Variants in SLC25A37 observed in about 807,000 individuals in gnomAD.
SLC25A37 encodes the protein solute carrier family 25 member 37, also known as mitoferrin-1.
Under a neutral mutation model 31.0 loss-of-function variants are expected in SLC25A37, and 17 were observed. The ratio of observed to expected loss-of-function variants is 0.55; its 90% CI spans 0.38 to 0.82. The LOEUF (loss-of-function observed/expected upper bound fraction) is 0.82. Ranked by LOEUF, SLC25A37 falls within the 40% of genes least tolerant of loss-of-function variation. The probability of loss-of-function intolerance (pLI) is 0.00; values close to 1 mark genes in which losing one functional copy is unlikely to be tolerated. For missense variants in SLC25A37, 404 were observed against 465.8 expected (o/e 0.87, Z 1.22); for synonymous variants, 222 against 193.0 (o/e 1.15, Z -1.24).
intron 1 of SLC25A37, among the ~76,000 whole-genome samples, chr8:23,535,804 G>C (rs1390917090): frequency 6.6e-6 from 1 of 152,124 alleles, no homozygotes; most frequent in Non-Finnish European, 1.5e-5. Context: ...AGTGAAAGGG[G>C]TTTTCCCCAT....
chr8:23,543,760 C>T (rs950020798), intron 1 of SLC25A37, among the ~76,000 whole-genome samples: 2 of 151,700 alleles, frequency 1.3e-5, no homozygotes, highest in African/African-American at 4.8e-5. Flanking sequence ...GTCTCGATCT[C>T]CTGACCTTGT....
chr8:23,536,151 G>C (rs1801763585), intron 1 of SLC25A37, among the ~76,000 whole-genome samples: 1 of 152,110 alleles, frequency 6.6e-6, no homozygotes, highest in Non-Finnish European at 1.5e-5. Flanking sequence ...TAGGCTTCCT[G>C]CTCCATTGAG....
In SLC25A37 at chr8:23,537,012, A is replaced by G. The variant is rs149581310; in HGVS notation, c.210+7800A>G. Among the ~76,000 whole-genome samples, 336 of 152,276 alleles carry G rather than the reference A, an allele frequency of 2.2e-3. 5 individuals are homozygous for G. The highest frequency in any genetic ancestry group is 7.9e-3 in the African/African-American group (328 of 41,562). On this transcript the variant is annotated intron_variant, in intron 1 of 3. Coordinates refer to ENST00000519973, the MANE Select transcript of SLC25A37 (RefSeq NM_016612.4). The stretch of plus-strand genomic sequence containing the variant: ...GGAGTTGGAGACCAGCCTGGGCAAC[A>G]TAGCGAGACCCCATAGGTACAAAAA...
chr8:23,559,362 T>TGCGTGTGTGTGC (rs1297766410), intron 1 of SLC25A37, among the ~76,000 whole-genome samples: 42 of 151,388 alleles, frequency 2.8e-4, no homozygotes, highest in Non-Finnish European at 5.9e-4. Context: ...TGCGTGTGTG[T>TGCGTGTGTGTGC]GCGCGCGCGC....
At position 23,572,309 on chromosome 8, in the gene SLC25A37, T is replaced by C. The variant is rs191463980; in HGVS notation, c.*454T>C. On this transcript the variant is annotated 3_prime_UTR_variant, in exon 4 of 4. Coordinates refer to ENST00000519973, the MANE Select transcript of SLC25A37 (RefSeq NM_016612.4). ...ATAGATGGATAATGTTTATCCTTTA[T>C]TTTTCTATGTAGAAGTTTTTGAATT... 108 of 155,530 alleles carry C rather than the reference T, an allele frequency of 6.9e-4. No homozygotes were observed. Among genetic ancestry groups the C allele is most frequent in the Admixed American group, 1.5e-3 (24 of 15,864 alleles). The allele number at this position is 155,530 out of a possible 1,614,324, so 9.6% of individuals were successfully genotyped here.
rs1271495300 is a variant in SLC25A37, at chr8:23,571,484, T to A, written c.646T>A (p.Phe216Ile). The A allele has an allele frequency of 6.2e-7, 1 of 1,613,948 alleles. No individual in the cohort carries two copies. Among genetic ancestry groups the A allele is most frequent in the Admixed American group, 1.7e-5 (1 of 60,026 alleles). ...TMNIPFQSIH[F>I]ITYEFLQEQV... ...GAACATCCCCTTCCAGTCCATCCAC[T>A]TCATCACCTATGAGTTCCTGCAGGA... Residue 216 changes from phenylalanine to isoleucine, a missense_variant, in exon 4 of 4, where the codon TTC becomes ATC. By Grantham distance (21) the Phe-to-Ile change is conservative. Around this residue, in one of 3 missense-constraint regions of SLC25A37, gnomAD observed 243 missense variants for 284.4 expected, o/e 0.85. Coordinates refer to ENST00000519973, the MANE Select transcript of SLC25A37 (RefSeq NM_016612.4).
At position 23,528,989 on chromosome 8, in the gene SLC25A37, C is replaced by G. The variant is rs750111109; in HGVS notation, c.-14C>G. ...CCACCTCCTGCAGCCTCCTGCGCCC[C>G]GCCGAGCTGGCGGATGGAGCTGCGC... is the stretch of plus-strand genomic sequence containing the variant. On this transcript the variant is annotated 5_prime_UTR_variant, in exon 1 of 4. Coordinates refer to ENST00000519973, the MANE Select transcript of SLC25A37 (RefSeq NM_016612.4). 1 of 1,484,712 alleles carries G rather than the reference C, an allele frequency of 6.7e-7. No individual in the cohort carries two copies. The highest frequency in any genetic ancestry group is 1.4e-5 in the African/African-American group (1 of 69,558). The allele number at this position is 1,484,712 out of a possible 1,614,324, so 92.0% of individuals were successfully genotyped here.
chr8:23,543,699 T>A lies in SLC25A37; in HGVS notation c.210+14487T>A, dbSNP rs190493098. Reference sequence around the variant, plus strand: ...ACAGGCGCCTGCCACCACGCCCAGCTAAATTTTGTATTTTTAGTAGAGATG... The same window carrying A: ...ACAGGCGCCTGCCACCACGCCCAGCAAAATTTTGTATTTTTAGTAGAGATG... On this transcript the variant is annotated intron_variant, in intron 1 of 3. Coordinates refer to ENST00000519973, the MANE Select transcript of SLC25A37 (RefSeq NM_016612.4). 1.6e-3 allele frequency among the ~76,000 whole-genome samples: 238 copies of A among 151,840 alleles called. 1 individual carries two copies. The highest frequency in any genetic ancestry group is 5.5e-3 in the African/African-American group (227 of 41,388).
intron 1 of SLC25A37, among the ~76,000 whole-genome samples, chr8:23,539,301 G>C (rs534530604): frequency 1.4e-5 from 2 of 147,966 alleles, no homozygotes; most frequent in East Asian, 3.9e-4. Flanking sequence ...CGGGTCCACC[G>C]AGCCTCTGGA....
chr8:23,553,704 A>G (rs1485644745), intron 1 of SLC25A37, among the ~76,000 whole-genome samples: 1 of 152,220 alleles, frequency 6.6e-6, no homozygotes, highest in East Asian at 1.9e-4. Flanking sequence ...TAATGTCTCA[A>G]GCGCTTCTTT....
At chr8:23,544,366 C>T (rs1007686560) in intron 1 of SLC25A37, among the ~76,000 whole-genome samples, 9 of 152,168 alleles carry the variant, frequency 5.9e-5, no homozygotes, top group Non-Finnish European at 1.2e-4. Context: ...GATGAAGTCA[C>T]CTAACAATGC....
chr8:23,546,568 A>G (rs879908639), intron 1 of SLC25A37, among the ~76,000 whole-genome samples: 23,330 of 107,356 alleles, frequency 0.22, 2,899 homozygotes, highest in South Asian at 0.31. Context: ...ATATATATAT[A>G]TATATATATA....
intron 1 of SLC25A37, among the ~76,000 whole-genome samples, chr8:23,533,281 A>T (rs1031127701): frequency 1.2e-4 from 18 of 152,146 alleles, no homozygotes; most frequent in Non-Finnish European, 2.5e-4. Context: ...GCGCGTGCCC[A>T]AGAGTACTGT....
At chr8:23,539,572 C>A (rs1157462877) in intron 1 of SLC25A37, among the ~76,000 whole-genome samples, 2 of 152,180 alleles carry the variant, frequency 1.3e-5, no homozygotes, top group Admixed American at 1.3e-4. Flanking sequence ...GGGGTGTGGG[C>A]CCCGTGAATT....
At chr8:23,546,266 A>C (rs929753265) in intron 1 of SLC25A37, among the ~76,000 whole-genome samples, 1 of 151,962 alleles carries the variant, frequency 6.6e-6, no homozygotes, top group Non-Finnish European at 1.5e-5. Flanking sequence ...ATGCTACTGC[A>C]CTCTAGCCTG....
chr8:23,548,050 G>A (rs952720512), intron 1 of SLC25A37, among the ~76,000 whole-genome samples: 2 of 152,312 alleles, frequency 1.3e-5, no homozygotes, highest in Middle Eastern at 3.4e-3. Flanking sequence ...AGGAGCATCC[G>A]TGGGAATGAT....
chr8:23,574,168 G>A lies in SLC25A37; in HGVS notation c.*2313G>A. The A allele has an allele frequency of 3.6e-6, 1 of 279,928 alleles. No homozygotes were observed. The highest frequency in any genetic ancestry group is 7.2e-6 in the Non-Finnish European group (1 of 138,426). The allele number at this position is 279,928 out of a possible 1,614,324, so 17.3% of individuals were successfully genotyped here. On this transcript the variant is annotated 3_prime_UTR_variant, in exon 4 of 4. Transcript: ENST00000519973. ...CACTCCTTTGGTTAGAGGGATGCAA[G>A]AAGGAGAGGTGAAGGTGGCGTGTGG... is the stretch of plus-strand genomic sequence containing the variant.
At chr8:23,546,918 G>A (rs780182966) in intron 1 of SLC25A37, among the ~76,000 whole-genome samples, 13 of 152,002 alleles carry the variant, frequency 8.6e-5, no homozygotes, top group Non-Finnish European at 1.6e-4. Context: ...ACAATGTTAG[G>A]TGGTGGCAGG....
intron 1 of SLC25A37, among the ~76,000 whole-genome samples, chr8:23,533,115 AAG>A (rs1298073610): frequency 6.6e-6 from 1 of 152,136 alleles, no homozygotes; most frequent in Non-Finnish European, 1.5e-5. Context: ...GGAATCAAAA[AAG>A]GGGTATTTGT....
Sources: gnomAD v4.1 joint callset for allele counts (sites outside exome capture counted in the v4.1 genomes callset) on GRCh38, gnomAD v4.1.1 for gene constraint, gnomAD v4.1.1 regional missense constraint, MANE v1.5 for transcripts, NCBI Gene and HGNC (gene_info 2026-07-23, HGNC 2026-07-21) for gene names.